CWC27: variants seen among roughly 807,000 people sequenced by gnomAD.
CWC27 encodes CWC27 spliceosome associated cyclophilin.
In CWC27, 47 loss-of-function variants were observed where a neutral mutation model predicts 63.6. The ratio of observed to expected loss-of-function variants is 0.74; its 90% CI spans 0.58 to 0.94. The LOEUF is 0.94. Among genes scored for constraint, CWC27 ranks in the 40% least tolerant of loss-of-function variants. CWC27 has a pLI of 0.00. For missense variants in CWC27, 495 were observed against 554.3 expected (o/e 0.89, Z 1.07); for synonymous variants, 175 against 179.8 (o/e 0.97, Z 0.22).
At chr5:65,012,404 A>G (rs1002947434) in intron 13 of CWC27, among the ~76,000 whole-genome samples, 2 of 152,198 alleles carry the variant, frequency 1.3e-5, no homozygotes, top group African/African-American at 4.8e-5. Context: ...AACATGGGAA[A>G]GCTTTTTGTA....
chr5:64,778,153 T>C (rs1384296561), intron 2 of CWC27, among the ~76,000 whole-genome samples: 7 of 152,190 alleles, frequency 4.6e-5, no homozygotes, highest in Admixed American at 6.5e-5. Context: ...AGGTAACATA[T>C]ATCTGGGTTT....
chr5:64,809,774 T>A (rs935559380), intron 10 of CWC27, among the ~76,000 whole-genome samples: 1 of 152,196 alleles, frequency 6.6e-6, no homozygotes, highest in East Asian at 1.9e-4. Flanking sequence ...GTTGTTTGAG[T>A]TCCTTATATA....
intron 10 of CWC27, among the ~76,000 whole-genome samples, chr5:64,812,972 T>G (rs1744920645): frequency 6.6e-6 from 1 of 152,174 alleles, no homozygotes; most frequent in Admixed American, 6.6e-5. Context: ...TTGCCATTTT[T>G]GCAAATCAAA....
chr5:64,835,799 TG>T lies in CWC27; in HGVS notation c.938+31414del, dbSNP rs533739800. ...ATATCTTCATGTTTTATATTTTTTATGAAGAAAACCACTGTATTTTTGCCTA... is the reference window on the plus strand; with the variant it reads ...ATATCTTCATGTTTTATATTTTTTATAAGAAAACCACTGTATTTTTGCCTA... On this transcript the variant is annotated intron_variant, in intron 10 of 13. Coordinates refer to ENST00000381070, the MANE Select transcript of CWC27 (RefSeq NM_005869.4). Among the ~76,000 whole-genome samples, 180 of 152,012 alleles carry T rather than the reference TG, an allele frequency of 1.2e-3. 3 individuals are homozygous for T. The highest frequency in any genetic ancestry group is 4.2e-3 in the African/African-American group (176 of 41,534).
chr5:64,938,892 C>T (rs181702295), intron 11 of CWC27, among the ~76,000 whole-genome samples: 3 of 152,214 alleles, frequency 2.0e-5, no homozygotes, highest in Admixed American at 6.5e-5. Context: ...TACGCTTGAT[C>T]GGTTCTGCTA....
In CWC27 at chr5:64,944,589, A is replaced by G. The variant is rs570887969; in HGVS notation, c.1043-27114A>G. ...ATTAAGCTATTGATCTTATATTTCAAACCTGCTCCTCCTGAAATCATCCCT... is the reference window on the plus strand; with the variant it reads ...ATTAAGCTATTGATCTTATATTTCAGACCTGCTCCTCCTGAAATCATCCCT... On this transcript the variant is annotated intron_variant, in intron 11 of 13. Transcript: ENST00000381070. Among the ~76,000 whole-genome samples, 5 of 152,336 alleles carry G rather than the reference A, an allele frequency of 3.3e-5. No individual in the cohort carries two copies. In the East Asian group the frequency reaches 9.6e-4, roughly 29 times the overall value.
Position 64,769,156 on chromosome 5 carries a change from A to G in CWC27, c.10A>G (p.Ile4Val), listed in dbSNP as rs758537226. The change falls in exon 1 of 14, where the codon ATC (isoleucine) becomes GTC (valine). Residue 4 changes from isoleucine (I) to valine (V), a missense_variant. Physicochemically the swap from Ile to Val is conservative, Grantham distance 29. Transcript: ENST00000381070. The stretch of plus-strand genomic sequence containing the variant: ...CTTTGTACTGACCAAGATGAGCAAC[A>G]TCTACATCCAGGAGCCTCCCACGAA... MSN[I>V]YIQEPPTNGK... The G allele has an allele frequency of 6.2e-7, 1 of 1,614,068 alleles. No individual in the cohort carries two copies. Among genetic ancestry groups the G allele is most frequent in the South Asian group, 1.1e-5 (1 of 91,076 alleles).
intron 11 of CWC27, among the ~76,000 whole-genome samples, chr5:64,906,351 C>T (rs553067685): frequency 1.6e-4 from 24 of 152,240 alleles, no homozygotes; most frequent in East Asian, 1.9e-4. Flanking sequence ...GACCTTTTAA[C>T]GATTGCCATT....
chr5:64,944,239 C>T (rs1212649892), intron 11 of CWC27, among the ~76,000 whole-genome samples: 1 of 151,252 alleles, frequency 6.6e-6, no homozygotes, highest in Non-Finnish European at 1.5e-5. Context: ...TCCTTTAGCT[C>T]TGCTTCCTTT....
chr5:64,875,912 T>C (rs1203704356), intron 10 of CWC27, among the ~76,000 whole-genome samples: 1 of 152,108 alleles, frequency 6.6e-6, no homozygotes, highest in African/African-American at 2.4e-5. Context: ...TTGGGCCAAG[T>C]ACTATGCTAA....
At chr5:64,811,467 G>GT (rs1241101954) in intron 10 of CWC27, among the ~76,000 whole-genome samples, 2 of 151,798 alleles carry the variant, frequency 1.3e-5, no homozygotes, top group South Asian at 2.1e-4. Context: ...AATTTTTATT[G>GT]TGATTCTAAA....
chr5:64,867,508 G>A (rs563756850), intron 10 of CWC27, among the ~76,000 whole-genome samples: 2 of 152,100 alleles, frequency 1.3e-5, no homozygotes, highest in African/African-American at 4.8e-5. Flanking sequence ...CTAGCATAAC[G>A]GAGCCAATCA....
chr5:64,831,534 GGATATA>G (rs1019679299), intron 10 of CWC27, among the ~76,000 whole-genome samples: 1 of 151,006 alleles, frequency 6.6e-6, no homozygotes, highest in Non-Finnish European at 1.5e-5. Context: ...AGATAGATAT[GGATATA>G]GATATAGATA....
At chr5:64,889,259 T>C (rs917857298) in intron 11 of CWC27, among the ~76,000 whole-genome samples, 2 of 152,134 alleles carry the variant, frequency 1.3e-5, no homozygotes, top group Admixed American at 6.5e-5. Context: ...TCTGATAAGG[T>C]CTATAGTTAG....
chr5:64,980,550 A>G (rs903732466), intron 13 of CWC27, among the ~76,000 whole-genome samples: 2 of 152,206 alleles, frequency 1.3e-5, no homozygotes. Flanking sequence ...ACTATGTTTC[A>G]TTGAAAATTT....
intron 10 of CWC27, among the ~76,000 whole-genome samples, chr5:64,843,737 C>A (rs1251821791): frequency 6.6e-6 from 1 of 152,098 alleles, no homozygotes; most frequent in African/African-American, 2.4e-5. Flanking sequence ...ACTTGCTTAT[C>A]TTTTTCTAAA....
At chr5:64,894,032 C>T (rs1039629718) in intron 11 of CWC27, among the ~76,000 whole-genome samples, 3 of 151,504 alleles carry the variant, frequency 2.0e-5, no homozygotes, top group Non-Finnish European at 2.9e-5. Flanking sequence ...CAGGTTCAAA[C>T]GATTCTCCTA....
intron 10 of CWC27, among the ~76,000 whole-genome samples, chr5:64,844,714 T>G (rs577348282): frequency 5.3e-5 from 8 of 152,338 alleles, no homozygotes; most frequent in South Asian, 4.1e-4. Context: ...ATTCAGCCAA[T>G]AAGCCATTCC....
chr5:64,972,388 G>C (rs1749142114), intron 12 of CWC27, among the ~76,000 whole-genome samples: 1 of 152,164 alleles, frequency 6.6e-6, no homozygotes, highest in African/African-American at 2.4e-5. Context: ...GTGCCATGCA[G>C]TACTTGACAC....
Sources: allele counts gnomAD v4.1 joint callset (sites outside exome capture counted in the v4.1 genomes callset), GRCh38; gene constraint gnomAD v4.1.1; transcripts MANE v1.5; gene names NCBI Gene and HGNC (gene_info 2026-07-23, HGNC 2026-07-21).